UBR3: variants seen among roughly 807,000 people sequenced by gnomAD.
UBR3 encodes ubiquitin protein ligase E3 component n-recognin 3.
Under a neutral mutation model 243.2 loss-of-function variants are expected in UBR3, and 85 were observed. The observed-to-expected ratio is 0.35, with a 90% CI of 0.29 to 0.42. The LOEUF is 0.42. Ranked by LOEUF, UBR3 falls within the 10% of genes least tolerant of loss-of-function variation. UBR3 has a pLI of 1.00. For synonymous variants in UBR3, 748 were observed against 799.8 expected, an observed-to-expected ratio of 0.94 and a Z score of 1.09; for missense variants, 1,686 against 2,300.8, an observed-to-expected ratio of 0.73 and a Z score of 5.47.
rs2085881825 is a variant in UBR3, at chr2:169,925,608, A to G, written c.2023-11A>G. 2 of 1,535,914 alleles carry G rather than the reference A, an allele frequency of 1.3e-6. No individual in the cohort carries two copies. Among genetic ancestry groups the G allele is most frequent in the African/African-American group, 1.4e-5 (1 of 72,290 alleles). ...AGATAATTTATTCTTTGTCCAATTT[A>G]CTTTTATTAGGCAAGTCTTGCAGAA... is the stretch of plus-strand genomic sequence containing the variant. On this transcript the variant is annotated splice_polypyrimidine_tract_variant and intron_variant, in intron 13 of 38. Coordinates refer to ENST00000272793, the MANE Select transcript of UBR3 (RefSeq NM_172070.4).
chr2:169,994,639 G>A (rs2089415993), intron 26 of UBR3, among the ~76,000 whole-genome samples, 183 bp downstream of exon 26: 1 of 152,204 alleles, frequency 6.6e-6, no homozygotes, highest in African/African-American at 2.4e-5. Context: ...GGTAATAAAT[G>A]TGATACCTTT....
Position 170,008,958 on chromosome 2 carries a change from A to G in UBR3, c.4367+18A>G, listed in dbSNP as rs764131950. On this transcript the variant is annotated intron_variant, in intron 29 of 38. Transcript: ENST00000272793. ...GTTGCTAGGTAGGTATATATAGTGT[A>G]TACTTTTTAGTTTACTTACTATTAA... 119 of 1,473,570 alleles carry G rather than the reference A, an allele frequency of 8.1e-5. 1 individual carries two copies. The highest frequency in any genetic ancestry group is 2.5e-5 in the East Asian group (1 of 39,870). 91.3% of individuals were successfully genotyped at this position (1,473,570 alleles called of 1,614,324 possible).
chr2:169,984,460 C>G (rs1033515425), intron 24 of UBR3, among the ~76,000 whole-genome samples: 2 of 152,136 alleles, frequency 1.3e-5, no homozygotes, highest in African/African-American at 4.8e-5. Context: ...ACTTGTGACT[C>G]TGTATATTAG....
At chr2:170,077,534 C>T (rs2091834984) in intron 36 of UBR3, 1 of 803,156 alleles carries the variant, frequency 1.2e-6, no homozygotes, top group Non-Finnish European at 2.0e-6. Context: ...AAGCCATCTC[C>T]AACAAAGCAG....
At chr2:169,994,781 C>T (rs1016217568) in intron 26 of UBR3, among the ~76,000 whole-genome samples, 1 of 152,180 alleles carries the variant, frequency 6.6e-6, no homozygotes, top group Non-Finnish European at 1.5e-5. Context: ...AATAAATTCC[C>T]TACTGGGGCC....
chr2:169,971,951 C>T (rs1457599435), intron 24 of UBR3, among the ~76,000 whole-genome samples: 1 of 151,936 alleles, frequency 6.6e-6, no homozygotes, highest in African/African-American at 2.4e-5. Context: ...CACAAAAAAC[C>T]CTTCAAAAAA....
At chr2:170,014,542 C>A in intron 29 of UBR3, 1 of 151,866 alleles carries the variant, frequency 6.6e-6, no homozygotes, top group Non-Finnish European at 1.5e-5. Context: ...TTTACTGTTA[C>A]TGTTTTTGGG....
At chr2:170,069,847 T>TTCAAG (rs1422146101) in intron 35 of UBR3, among the ~76,000 whole-genome samples, 2 of 152,100 alleles carry the variant, frequency 1.3e-5, no homozygotes, top group Admixed American at 1.3e-4. Flanking sequence ...GCCTTAGATG[T>TTCAAG]TCAAGTCCCT....
chr2:170,041,058 A>G, intron 32 of UBR3, 73 bp downstream of exon 32: 1 of 1,426,840 alleles, frequency 7.0e-7, no homozygotes, highest in Non-Finnish European at 9.6e-7. Context: ...ATAGAGACAA[A>G]TAGGCTGGGT....
At chr2:169,889,466 G>T (rs1387296865) in intron 5 of UBR3, among the ~76,000 whole-genome samples, 2 of 152,094 alleles carry the variant, frequency 1.3e-5, no homozygotes, top group African/African-American at 4.8e-5. Context: ...TTCATAAATG[G>T]CTATTAGCTG....
intron 6 of UBR3, among the ~76,000 whole-genome samples, chr2:169,893,252 A>G (rs2084443232): frequency 6.6e-6 from 1 of 152,352 alleles, no homozygotes; most frequent in Non-Finnish European, 1.5e-5. Flanking sequence ...CAGAAGCCAC[A>G]GCTTTCCTGG....
In UBR3 at chr2:169,896,527, T is replaced by G; in HGVS notation, c.1257T>G (p.Phe419Leu). ...QEYKVAFTKTFVQHYAFIMKT... is the reference protein window; with the variant it reads ...QEYKVAFTKTLVQHYAFIMKT... ...TACAGGTTGCTTTTACAAAAACTTT[T>G]GTTCAGCATTATGCTTTCATTATGA... The change falls in exon 8 of 39, where the codon TTT becomes TTG. Residue 419 changes from phenylalanine to leucine, a missense_variant. By Grantham distance (22) the Phe-to-Leu change is conservative. Transcript: ENST00000272793. 2 of 1,528,240 alleles carry G rather than the reference T, an allele frequency of 1.3e-6. No individual in the cohort carries two copies. Among genetic ancestry groups the G allele is most frequent in the Non-Finnish European group, 1.8e-6 (2 of 1,133,488 alleles). The allele number at this position is 1,528,240 out of a possible 1,614,324, so 94.7% of individuals were successfully genotyped here. A position where few individuals can be genotyped will look rare whatever the true frequency, so the allele number is the denominator to read the frequency against.
At position 169,906,153 on chromosome 2, in the gene UBR3, T is replaced by G; in HGVS notation, c.1768T>G (p.Cys590Gly). The G allele has an allele frequency of 6.5e-7, 1 of 1,541,266 alleles. No individual in the cohort carries two copies. Among genetic ancestry groups the G allele is most frequent in the Non-Finnish European group, 8.7e-7 (1 of 1,144,372 alleles). The change falls in exon 10 of 39, where the codon TGT becomes GGT. Residue 590 changes from cysteine (C) to glycine (G), a missense_variant. By Grantham distance (159) the Cys-to-Gly change is radical. Transcript: ENST00000272793. ...AQPMWGLLSH[C>G]KVRETQEYTR... ...GCCAATGTGGGGGCTTTTATCACAT[T>G]GTAAAGTTAGGGTATGTTGGAAATA...
chr2:169,829,814 TACACACACACACACAC>T (rs10530118), intron 1 of UBR3, among the ~76,000 whole-genome samples: 51,756 of 149,152 alleles, frequency 0.35, 9,881 homozygotes, highest in Middle Eastern at 0.46. Flanking sequence ...AGCTAAAAAG[TACACACACACACACAC>T]ACACACACAC....
intron 35 of UBR3, 137 bp downstream of exon 35, chr2:170,061,580 C>T: frequency 9.9e-7 from 1 of 1,009,774 alleles, no homozygotes; most frequent in African/African-American, 1.6e-5. Flanking sequence ...CAATCCTCCT[C>T]CCTCAGCCCC....
intron 1 of UBR3, among the ~76,000 whole-genome samples, chr2:169,843,213 C>T (rs1269237761): frequency 2.6e-5 from 4 of 152,168 alleles, no homozygotes; most frequent in African/African-American, 4.8e-5. Flanking sequence ...TAACAAAATA[C>T]CTGAGACTGA....
chr2:169,934,107 T>A (rs1574234282), intron 19 of UBR3, among the ~76,000 whole-genome samples: 1 of 152,346 alleles, frequency 6.6e-6, no homozygotes, highest in East Asian at 1.9e-4. Flanking sequence ...CTCGTCTACA[T>A]CTTTAATACT....
rs183669942 is a variant in UBR3 at position 170,008,736 on chromosome 2, T to C, written c.4231-68T>C. 386 of 780,370 alleles carry C rather than the reference T, an allele frequency of 4.9e-4. 1 individual carries two copies. The African/African-American group carries it at 6.2e-3, about 12-fold the overall frequency. 48.3% of individuals were successfully genotyped at this position (780,370 alleles called of 1,614,324 possible). A position where few individuals can be genotyped will look rare whatever the true frequency, so the allele number is the denominator to read the frequency against. On this transcript the variant is annotated intron_variant, in intron 28 of 38. Coordinates refer to ENST00000272793, the MANE Select transcript of UBR3 (RefSeq NM_172070.4). ...CCTACTATGTTCATATAATAAACAT[T>C]CTAGTTTCAGACCATTATTAAAGAA...
intron 5 of UBR3, among the ~76,000 whole-genome samples, chr2:169,885,575 C>T (rs1331047027): frequency 6.6e-6 from 1 of 151,764 alleles, no homozygotes; most frequent in African/African-American, 2.4e-5. Context: ...GAGACCCTGT[C>T]TCAAAACAGA....
Sources: allele counts gnomAD v4.1 joint callset (sites outside exome capture counted in the v4.1 genomes callset), GRCh38; gene constraint gnomAD v4.1.1; transcripts MANE v1.5; gene names NCBI Gene and HGNC (gene_info 2026-07-23, HGNC 2026-07-21).